KLF13: variants seen among roughly 807,000 people sequenced by gnomAD.
KLF13 encodes the protein Krueppel-like factor 13.
Under a neutral mutation model 16.7 loss-of-function variants are expected in KLF13, and 8 were observed. The ratio of observed to expected loss-of-function variants is 0.48; its 90% CI spans 0.28 to 0.87. The LOEUF (loss-of-function observed/expected upper bound fraction) is 0.87, where lower values mean the gene tolerates loss of function less well. Among genes scored for constraint, KLF13 ranks in the 40% least tolerant of loss-of-function variants. KLF13 has a pLI of 0.10. For synonymous variants in KLF13, 245 were observed against 208.4 expected (o/e 1.18, Z -1.51); for missense variants, 447 against 452.2 (o/e 0.99, Z 0.10).
At chr15:31,342,050 T>G (rs1012854359) in intron 1 of KLF13, among the ~76,000 whole-genome samples, 1 of 152,222 alleles carries the variant, frequency 6.6e-6, no homozygotes, top group African/African-American at 2.4e-5. Context: ...ACCAACAGGC[T>G]GTACCTGGCT....
chr15:31,386,974 G>A (rs971600388), intron 1 of KLF13, among the ~76,000 whole-genome samples: 13 of 152,184 alleles, frequency 8.5e-5, no homozygotes, highest in African/African-American at 3.1e-4. Context: ...ACTCCTTTCC[G>A]ATGAAACTTG....
chr15:31,353,526 A>G (rs1034578288), intron 1 of KLF13, among the ~76,000 whole-genome samples: 9 of 152,192 alleles, frequency 5.9e-5, no homozygotes, highest in Admixed American at 3.3e-4. Context: ...TTCATTTTCA[A>G]TTCCCTTTAT....
intron 1 of KLF13, among the ~76,000 whole-genome samples, chr15:31,354,985 G>A (rs891323843): frequency 4.6e-5 from 7 of 152,214 alleles, no homozygotes; most frequent in African/African-American, 1.7e-4. Flanking sequence ...TTGGTATTGG[G>A]AATTGTGTGG....
At chr15:31,389,490 C>T (rs576847131), upstream of KLF13, among the ~76,000 whole-genome samples, 41 of 152,330 alleles carry the variant, frequency 2.7e-4, no homozygotes, top group Non-Finnish European at 4.1e-4. Context: ...CTACCCTCTG[C>T]ACCTTCTCCC....
chr15:31,394,017 G>A (rs1010096024), intron 2 of KLF13, among the ~76,000 whole-genome samples: 1 of 152,304 alleles, frequency 6.6e-6, no homozygotes, highest in African/African-American at 2.4e-5. Flanking sequence ...TGCAGGCAAG[G>A]TTGTTCCTGG....
Position 31,372,077 on chromosome 15 carries a change from G to A in KLF13, c.645G>A (p.Ala215=), listed in dbSNP as rs760861237. 6.2e-6 allele frequency: 10 copies of A among 1,612,672 alleles called. No individual in the cohort carries two copies. The highest frequency in any genetic ancestry group is 5.5e-5 in the South Asian group (5 of 91,050). ...NKKFARSDEL[A]RHYRTHTGEK... ...AGTTCGCGCGCTCCGACGAGCTGGC[G>A]CGGCACTACCGCACACACACGGGCG... Residue 215 remains alanine (A), a synonymous_variant, in exon 2 of 2, where the codon GCG becomes GCA. Transcript: ENST00000307145.
intron 1 of KLF13, among the ~76,000 whole-genome samples, chr15:31,364,116 G>T (rs2039427884): frequency 6.7e-6 from 1 of 148,700 alleles, no homozygotes; most frequent in Non-Finnish European, 1.5e-5. Context: ...GTTGAATCCT[G>T]GTGGTCTCGT....
At chr15:31,419,812 G>A (rs538545752) in intron 1 of KLF13, among the ~76,000 whole-genome samples, 1 of 152,268 alleles carries the variant, frequency 6.6e-6, no homozygotes, top group South Asian at 2.1e-4. Flanking sequence ...CCAAATTCTA[G>A]AAGCTCGAAG....
chr15:31,334,756 G>A (rs560891338), intron 1 of KLF13, among the ~76,000 whole-genome samples: 12 of 152,208 alleles, frequency 7.9e-5, no homozygotes, highest in African/African-American at 2.9e-4. Context: ...CCCCAAATGG[G>A]ATTATTTTCT....
chr15:31,345,247 G>A (rs925625496), intron 1 of KLF13, among the ~76,000 whole-genome samples: 8 of 152,324 alleles, frequency 5.3e-5, no homozygotes, highest in Admixed American at 5.2e-4. Context: ...GTGGGGACTT[G>A]GGCATTCCTC....
downstream of KLF13, among the ~76,000 whole-genome samples, chr15:31,405,636 T>G (rs2040118169): frequency 6.6e-6 from 1 of 152,152 alleles, no homozygotes; most frequent in South Asian, 2.1e-4. Context: ...TTGGTCTTTT[T>G]GTAAAGATGA....
At chr15:31,406,832 G>T (rs1047096537), downstream of KLF13, among the ~76,000 whole-genome samples, 8 of 152,082 alleles carry the variant, frequency 5.3e-5, no homozygotes, top group Admixed American at 2.0e-4. Flanking sequence ...TCTGACTCCT[G>T]CCTCCCTCAT....
intron 1 of KLF13, among the ~76,000 whole-genome samples, chr15:31,345,582 G>A (rs890576789): frequency 1.3e-5 from 2 of 152,218 alleles, no homozygotes; most frequent in African/African-American, 4.8e-5. Flanking sequence ...GTGAGTATGA[G>A]GGTGGGACGG....
chr15:31,413,626 T>C (rs992325450), intron 1 of KLF13, among the ~76,000 whole-genome samples: 2 of 152,096 alleles, frequency 1.3e-5, no homozygotes, highest in Admixed American at 6.6e-5. Flanking sequence ...ACAGCTATAT[T>C]TGAAAAATGA....
intron 1 of KLF13, among the ~76,000 whole-genome samples, chr15:31,393,422 G>T (rs1374288401): frequency 1.7e-4 from 2 of 11,980 alleles, no homozygotes; most frequent in African/African-American, 6.0e-4. Context: ...CCCCCGGCCC[G>T]TCCCCCCCCC....
intron 1 of KLF13, among the ~76,000 whole-genome samples, chr15:31,412,772 TC>T (rs1162382050): frequency 6.6e-6 from 1 of 152,170 alleles, no homozygotes; most frequent in African/African-American, 2.4e-5. Context: ...GGAATTGACT[TC>T]TTGTGCAACA....
At chr15:31,332,520 G>C (rs756811889) in intron 1 of KLF13, among the ~76,000 whole-genome samples, 1 of 152,156 alleles carries the variant, frequency 6.6e-6, no homozygotes, top group African/African-American at 2.4e-5. Flanking sequence ...CTTCCCCCTC[G>C]CTGAAAGAAG....
chr15:31,409,696 G>T (rs1051754373), downstream of KLF13, among the ~76,000 whole-genome samples: 1 of 152,162 alleles, frequency 6.6e-6, no homozygotes, highest in African/African-American at 2.4e-5. Context: ...CTTCACCTCA[G>T]AAGCCATGCA....
chr15:31,344,197 C>A (rs1418910713), intron 1 of KLF13, among the ~76,000 whole-genome samples: 3 of 152,210 alleles, frequency 2.0e-5, no homozygotes, highest in African/African-American at 7.2e-5. Flanking sequence ...TCTCCCCACA[C>A]CCATACCCAT....
Sources: gnomAD v4.1 joint callset for allele counts (sites outside exome capture counted in the v4.1 genomes callset) on GRCh38, gnomAD v4.1.1 for gene constraint, MANE v1.5 for transcripts, NCBI Gene and HGNC (gene_info 2026-07-23, HGNC 2026-07-21) for gene names.